The following KASH5 variants were observed in gnomAD, a reference collection of about 807,000 sequenced individuals.
KASH5 encodes KASH domain containing 5.
KASH5 carries 72 observed loss-of-function variants against 84.2 expected under a neutral mutation model. The ratio of observed to expected loss-of-function variants is 0.85; its 90% CI spans 0.71 to 1.04. The LOEUF (loss-of-function observed/expected upper bound fraction) is 1.04, where lower values mean the gene tolerates loss of function less well. Ranked by LOEUF, KASH5 falls within the 50% of genes least tolerant of loss-of-function variation. The probability of loss-of-function intolerance (pLI) is 0.00; values close to 1 mark genes in which losing one functional copy is unlikely to be tolerated. For synonymous variants in KASH5, 260 were observed against 279.1 expected, an observed-to-expected ratio of 0.93 and a Z score of 0.68; for missense variants, 650 against 701.0, an observed-to-expected ratio of 0.93 and a Z score of 0.82.
At position 49,407,318 on chromosome 19, in the gene KASH5, A is replaced by G. The variant is rs748551898; in HGVS notation, c.933+22A>G. 8 of 1,612,668 alleles carry G rather than the reference A, an allele frequency of 5.0e-6. No homozygotes were observed. The East Asian group carries it at 1.6e-4, about 31-fold the overall frequency. On this transcript the variant is annotated intron_variant, in intron 11 of 19. Coordinates refer to ENST00000447857, the MANE Select transcript of KASH5 (RefSeq NM_144688.5). ...TGAGGTAAGGGGCCCCGGGAGGGAA[A>G]GAGATTCGCTTTCCATGTGCACCAG...
At position 49,417,396 on chromosome 19, in the gene KASH5, T is replaced by C. The variant is rs1974945628; in HGVS notation, c.1575T>C (p.Ala525=). The C allele has an allele frequency of 3.9e-6, 6 of 1,554,686 alleles. No homozygotes were observed. The highest frequency in any genetic ancestry group is 5.2e-6 in the Non-Finnish European group (6 of 1,148,772). The change falls in exon 20 of 20, where the codon GCT becomes GCC. Residue 525 remains alanine (A), a synonymous_variant. Coordinates refer to ENST00000447857, the MANE Select transcript of KASH5 (RefSeq NM_144688.5). This position sits in a 1 kb window ranked among gnomAD's most constrained non-coding sequence, Gnocchi z 5.2. ...LRVTRHPLIP[A]PVLGLLLLLL... is the part of the protein sequence containing the mutation. ...TCACTCGACATCCACTGATCCCAGC[T>C]CCTGTCCTGGGCCTGCTGCTGCTGC...
Position 49,409,893 on chromosome 19 carries a change from T to G in KASH5, c.1269+18T>G. On this transcript the variant is annotated intron_variant, in intron 15 of 19. Transcript: ENST00000447857. ...GGGGACAGGTGAGCACAGGAAAAGC[T>G]CTGAAGTCCAGGAGCTGGAAAGGGG... is the stretch of plus-strand genomic sequence containing the variant. 1.2e-6 allele frequency: 2 copies of G among 1,611,910 alleles called. No homozygotes were observed. The highest frequency in any genetic ancestry group is 8.5e-7 in the Non-Finnish European group (1 of 1,178,710).
chr19:49,417,309 A>C lies in KASH5; in HGVS notation c.1547+43A>C, dbSNP rs1016817854. 1.3e-6 allele frequency: 2 copies of C among 1,589,940 alleles called. No individual in the cohort carries two copies. The highest frequency in any genetic ancestry group is 3.6e-5 in the Admixed American group (2 of 56,312). On this transcript the variant is annotated intron_variant, in intron 19 of 19. Transcript: ENST00000447857. The surrounding 1 kb of genome is among the most constrained non-coding windows in gnomAD (Gnocchi z 5.2). Reference sequence around the variant, plus strand: ...TCCAGAAGGAAGGAGGTGGTCTGACATTGGGAAGAGCAGGGGCTGCCCAGA... The same window carrying C: ...TCCAGAAGGAAGGAGGTGGTCTGACCTTGGGAAGAGCAGGGGCTGCCCAGA...
In KASH5 at chr19:49,412,947, C is replaced by T; in HGVS notation, c.1270-21C>T. 6.2e-7 allele frequency: 1 copy of T among 1,613,394 alleles called. No individual in the cohort carries two copies. The highest frequency in any genetic ancestry group is 8.5e-7 in the Non-Finnish European group (1 of 1,179,524). ...TTGAGTGAGAAGAATCAGAGAAGAACTAACCTTTTTGTTTCCACAGAGAAA... is the reference window on the plus strand; with the variant it reads ...TTGAGTGAGAAGAATCAGAGAAGAATTAACCTTTTTGTTTCCACAGAGAAA... On this transcript the variant is annotated intron_variant, in intron 15 of 19. Coordinates refer to ENST00000447857, the MANE Select transcript of KASH5 (RefSeq NM_144688.5). This position sits in a 1 kb window ranked among gnomAD's most constrained non-coding sequence, Gnocchi z 4.6.
Position 49,412,887 on chromosome 19 carries a change from CG to C in KASH5, c.1270-76del. The C allele has an allele frequency of 7.1e-7, 1 of 1,400,976 alleles. No homozygotes were observed. Among genetic ancestry groups the C allele is most frequent in the Non-Finnish European group, 9.9e-7 (1 of 1,007,422 alleles). 86.8% of individuals were successfully genotyped at this position (1,400,976 alleles called of 1,614,324 possible). The stretch of plus-strand genomic sequence containing the variant: ...TTTTGTATATGGGGTCTGGGACCGG[CG>C]GGGGAGACAGTGGGCACTGTTAGGG... On this transcript the variant is annotated intron_variant, in intron 15 of 19. Transcript: ENST00000447857. The surrounding 1 kb of genome is among the most constrained non-coding windows in gnomAD (Gnocchi z 4.6).
intron 9 of KASH5, among the ~76,000 whole-genome samples, chr19:49,406,305 A>T (rs1974524715): frequency 8.9e-6 from 1 of 112,546 alleles, no homozygotes. Context: ...ATGCTCAGTA[A>T]GTGTTAGCGA....
At position 49,412,403 on chromosome 19, in the gene KASH5, A is replaced by C. The variant is rs1368728608; in HGVS notation, c.1270-565A>C. ...GGAACTTGTGACCTTGTGAGGTGAAATCTTGAGGGATGTCTGGGGGCTGCC... is the reference window on the plus strand; with the variant it reads ...GGAACTTGTGACCTTGTGAGGTGAACTCTTGAGGGATGTCTGGGGGCTGCC... On this transcript the variant is annotated intron_variant, in intron 15 of 19. Coordinates refer to ENST00000447857, the MANE Select transcript of KASH5 (RefSeq NM_144688.5). This position sits in a 1 kb window ranked among gnomAD's most constrained non-coding sequence, Gnocchi z 4.6. Among the ~76,000 whole-genome samples, 1 of 152,104 alleles carries C rather than the reference A, an allele frequency of 6.6e-6. No individual in the cohort carries two copies. The highest frequency in any genetic ancestry group is 1.9e-4 in the East Asian group (1 of 5,192).
chr19:49,411,918 GGGAAGGAAGGAA>G (rs56314106), intron 15 of KASH5, among the ~76,000 whole-genome samples: 20,294 of 128,134 alleles, frequency 0.16, 1,634 homozygotes, highest in South Asian at 0.23. Context: ...GAGGGAAGGA[GGGAAGGAAGGAA>G]GGAAGGAAGG....
At chr19:49,409,377 C>T in intron 14 of KASH5, 94 bp downstream of exon 14, 1 of 1,302,390 alleles carries the variant, frequency 7.7e-7, no homozygotes, top group Non-Finnish European at 1.1e-6. Context: ...CTAGCCCTAA[C>T]CCACATTGCT....
At chr19:49,393,178 T>C (rs1974057579) in intron 2 of KASH5, among the ~76,000 whole-genome samples, 1 of 152,216 alleles carries the variant, frequency 6.6e-6, no homozygotes, top group African/African-American at 2.4e-5. Flanking sequence ...GTAGGGATTA[T>C]AATAGCATCG....
chr19:49,404,081 C>G (rs532565964), intron 9 of KASH5, among the ~76,000 whole-genome samples: 1 of 152,358 alleles, frequency 6.6e-6, no homozygotes, highest in East Asian at 1.9e-4. Flanking sequence ...CTGCAAATCC[C>G]TACCAGGTGG....
At chr19:49,410,486 C>CT (rs35379985) in intron 15 of KASH5, among the ~76,000 whole-genome samples, 46,281 of 135,944 alleles carry the variant, frequency 0.34, 8,294 homozygotes, top group Middle Eastern at 0.49. Context: ...CCATGACTGG[C>CT]TTTTTTTTTT....
rs139157510 is a variant in KASH5, at chr19:49,412,089, A to G, written c.1270-879A>G. 6.6e-6 allele frequency among the ~76,000 whole-genome samples: 1 copy of G among 152,338 alleles called. No individual in the cohort carries two copies. The highest frequency in any genetic ancestry group is 1.9e-4 in the East Asian group (1 of 5,178). ...GGGGTGACTAGTGAGAGATGAGGCC[A>G]GGGCCAGATCATGAAAGGAAATCTC... On this transcript the variant is annotated intron_variant, in intron 15 of 19. Coordinates refer to ENST00000447857, the MANE Select transcript of KASH5 (RefSeq NM_144688.5). This position sits in a 1 kb window ranked among gnomAD's most constrained non-coding sequence, Gnocchi z 4.6.
rs761241368 is a variant in KASH5, at chr19:49,413,022, A to G, written c.1324A>G (p.Met442Val). The G allele has an allele frequency of 3.7e-6, 6 of 1,612,730 alleles. No individual in the cohort carries two copies. Among genetic ancestry groups the G allele is most frequent in the African/African-American group, 1.3e-5 (1 of 75,024 alleles). Reference protein sequence around the residue: ...HPEEGRKEPSMWLTRREEEED... With the variant: ...HPEEGRKEPSVWLTRREEEED... Reference sequence around the variant, plus strand: ...TGAAGAAGGAAGGAAGGAGCCATCCATGTGGTAAGGAGCTGAGCCATCCGT... The same window carrying G: ...TGAAGAAGGAAGGAAGGAGCCATCCGTGTGGTAAGGAGCTGAGCCATCCGT... Residue 442 changes from methionine (M) to valine (V), a missense_variant, in exon 16 of 20, where the codon ATG (methionine) becomes GTG (valine). Coordinates refer to ENST00000447857, the MANE Select transcript of KASH5 (RefSeq NM_144688.5).
At chr19:49,403,930 G>A (rs956413020) in intron 9 of KASH5, among the ~76,000 whole-genome samples, 1 of 152,210 alleles carries the variant, frequency 6.6e-6, no homozygotes, top group Non-Finnish European at 1.5e-5. Context: ...GTAGAATAAT[G>A]CTGGAGTAAC....
intron 3 of KASH5, chr19:49,394,815 C>T (rs1042875421): frequency 1.1e-4 from 66 of 583,090 alleles, no homozygotes; most frequent in South Asian, 1.8e-4. Context: ...GTTTTGGGGT[C>T]GTGGGATAGG....
rs1568611428 is a variant in KASH5 at position 49,396,242 on chromosome 19, A to ATTTTTTTGTTTTTTTTTTTTT, written c.400+409_400+410insTTTTTTTGTTTTTTTTTTTTT. ...CACTCCTTGCTCCCCACCCTGCTGG[A>ATTTTTTTGTTTTTTTTTTTTT]CTTTTTTTTTTTTTTTTTTTTTTTT... On this transcript the variant is annotated intron_variant, in intron 5 of 19. Coordinates refer to ENST00000447857, the MANE Select transcript of KASH5 (RefSeq NM_144688.5). Among the ~76,000 whole-genome samples, 2 of 122,904 alleles carry ATTTTTTTGTTTTTTTTTTTTT rather than the reference A, an allele frequency of 1.6e-5. 1 individual carries two copies. The allele number at this position is 122,904 out of a possible 152,430, so 80.6% of individuals were successfully genotyped here.
chr19:49,417,705 C>T lies in KASH5; in HGVS notation c.*195C>T. On this transcript the variant is annotated 3_prime_UTR_variant, in exon 20 of 20. Coordinates refer to ENST00000447857, the MANE Select transcript of KASH5 (RefSeq NM_144688.5). The surrounding 1 kb of genome is among the most constrained non-coding windows in gnomAD (Gnocchi z 5.2). ...ACATTTCTTAACAATAGCAAAACTC[C>T]CCCAGTAATGGATTAAGCACTAAGG... The T allele has an allele frequency of 3.0e-6, 2 of 665,882 alleles. No homozygotes were observed. The highest frequency in any genetic ancestry group is 4.5e-6 in the Non-Finnish European group (2 of 442,076). 41.2% of individuals were successfully genotyped at this position (665,882 alleles called of 1,614,324 possible). A position where few individuals can be genotyped will look rare whatever the true frequency, so the allele number is the denominator to read the frequency against.
chr19:49,411,066 A>C (rs988379700), intron 15 of KASH5, among the ~76,000 whole-genome samples: 1 of 151,936 alleles, frequency 6.6e-6, no homozygotes, highest in African/African-American at 2.4e-5. Flanking sequence ...CAGCCTCCCA[A>C]GTAGCTGCAA....
Sources: gnomAD v4.1 joint callset for allele counts (sites outside exome capture counted in the v4.1 genomes callset) on GRCh38, gnomAD v4.1.1 for gene constraint, Gnocchi (gnomAD v3.1) non-coding constraint, MANE v1.5 for transcripts, NCBI Gene and HGNC (gene_info 2026-07-23, HGNC 2026-07-21) for gene names.